Variants in GPNMB observed in about 807,000 individuals in gnomAD.
GPNMB encodes the protein glycoprotein nmb.
In GPNMB, 71 loss-of-function variants were observed where a neutral mutation model predicts 57.3. That is an observed-to-expected ratio of 1.24 (90% CI 1.02 to 1.51). GPNMB has a LOEUF of 1.51. GPNMB is among the 40% of genes most tolerant of loss of function. GPNMB has a pLI of 0.00. For synonymous variants in GPNMB, 253 were observed against 263.2 expected (o/e 0.96, Z 0.38); for missense variants, 677 against 691.9 (o/e 0.98, Z 0.24).
intron 4 of GPNMB, among the ~76,000 whole-genome samples, chr7:23,258,944 G>T (rs1782845814): frequency 6.6e-6 from 1 of 152,354 alleles, no homozygotes; most frequent in African/African-American, 2.4e-5. Context: ...TCTAAACCAG[G>T]CCCCCTGGCA....
rs188437037 is a variant in GPNMB at position 23,263,527 on chromosome 7, G to A, written c.1018+2754G>A. Among the ~76,000 whole-genome samples the A allele has an allele frequency of 5.6e-3, 839 of 150,926 alleles. 2 individuals carry two copies. The highest frequency in any genetic ancestry group is 0.02 in the African/African-American group (803 of 40,992). On this transcript the variant is annotated intron_variant, in intron 6 of 10. Transcript: ENST00000258733. Reference sequence around the variant, plus strand: ...CTTGGGAGGCTGAGGCAGAAGAATCGCTTGAACCTGGGAGGTGGAGGTTGC... The same window carrying A: ...CTTGGGAGGCTGAGGCAGAAGAATCACTTGAACCTGGGAGGTGGAGGTTGC...
chr7:23,251,566 A>G (rs989163743), intron 1 of GPNMB, among the ~76,000 whole-genome samples: 2 of 152,220 alleles, frequency 1.3e-5, no homozygotes, highest in African/African-American at 4.8e-5. Flanking sequence ...ATTTCTTTTC[A>G]TCTTTCCACT....
Position 23,259,927 on chromosome 7 carries a change from C to T in GPNMB, c.542-53C>T, listed in dbSNP as rs1282598376. On this transcript the variant is annotated intron_variant, in intron 4 of 10. Coordinates refer to ENST00000258733, the MANE Select transcript of GPNMB (RefSeq NM_002510.3). ...TAGCTAGTCTTTAAGGAACAGCTTC[C>T]TATAATGATGATATAATGCAGCCAA... 6 of 1,557,388 alleles carry T rather than the reference C, an allele frequency of 3.9e-6. No homozygotes were observed. The Admixed American group carries it at 1.0e-4, about 26-fold the overall frequency.
chr7:23,274,471 T>C lies in GPNMB; in HGVS notation c.*247T>C. ...GGCTTCTTTTCATTATTTTTTATGTTTCACTTATAAAGTCTTAGGTAACTA... is the reference window on the plus strand; with the variant it reads ...GGCTTCTTTTCATTATTTTTTATGTCTCACTTATAAAGTCTTAGGTAACTA... On this transcript the variant is annotated 3_prime_UTR_variant, in exon 11 of 11. Coordinates refer to ENST00000258733, the MANE Select transcript of GPNMB (RefSeq NM_002510.3). 5.4e-6 allele frequency: 2 copies of C among 367,900 alleles called. No homozygotes were observed. Among genetic ancestry groups the C allele is most frequent in the South Asian group, 8.0e-5 (2 of 25,104 alleles). The allele number at this position is 367,900 out of a possible 1,614,324, so 22.8% of individuals were successfully genotyped here.
At chr7:23,266,461 T>G (rs1443668677) in intron 6 of GPNMB, 56 bp from the exon 7 acceptor site, 9 of 1,578,064 alleles carry the variant, frequency 5.7e-6, no homozygotes, top group African/African-American at 1.4e-5. Flanking sequence ...TTATATCACA[T>G]GTATCTTTTA....
chr7:23,247,720 G>T (rs537289971), intron 1 of GPNMB: 1 of 152,254 alleles, frequency 6.6e-6, no homozygotes, highest in Admixed American at 6.5e-5. Flanking sequence ...GGCCTGAGAC[G>T]TGGGCCGCGC....
intron 8 of GPNMB, among the ~76,000 whole-genome samples, chr7:23,269,431 G>A (rs1248949056): frequency 1.3e-5 from 2 of 152,084 alleles, no homozygotes; most frequent in East Asian, 1.9e-4. Flanking sequence ...GAATAAGCAA[G>A]ATCATGTCAT....
chr7:23,258,099 A>G (rs1782825442), intron 4 of GPNMB: 1 of 152,104 alleles, frequency 6.6e-6, no homozygotes, highest in Non-Finnish European at 1.5e-5. Flanking sequence ...TTGTTGTATT[A>G]TTGGGGAAAT....
At chr7:23,269,403 C>A (rs998026305) in intron 8 of GPNMB, among the ~76,000 whole-genome samples, 2 of 151,840 alleles carry the variant, frequency 1.3e-5, no homozygotes, top group African/African-American at 4.8e-5. Context: ...AACAAACAAA[C>A]AAAAAAACTA....
rs563808672 is a variant in GPNMB, at chr7:23,269,973, C to T, written c.1227C>T (p.Pro409=). 2.5e-6 allele frequency: 4 copies of T among 1,613,650 alleles called. No individual in the cohort carries two copies. The highest frequency in any genetic ancestry group is 4.5e-5 in the East Asian group (2 of 44,876). The change falls in exon 9 of 11, where the codon CCC becomes CCT. Residue 409 remains proline (P), a synonymous_variant. Transcript: ENST00000258733. ...CCCACCTCCCCTGTCGCAGCATTCC[C>T]ACGGAGGTCTGTACCATCATTTCTG... The part of the protein sequence containing the change: ...DFVVTCQGSI[P]TEVCTIISDP...
At chr7:23,247,069 A>C (rs557035236) in intron 1 of GPNMB, 142 bp downstream of exon 1, 1 of 698,188 alleles carries the variant, frequency 1.4e-6, no homozygotes, top group Non-Finnish European at 2.6e-6. Flanking sequence ...CTTCTTCTGC[A>C]AACTGTTGGG....
chr7:23,262,660 C>G (rs1782955578), intron 6 of GPNMB, among the ~76,000 whole-genome samples: 1 of 133,524 alleles, frequency 7.5e-6, no homozygotes, highest in African/African-American at 2.9e-5. Flanking sequence ...GCTCTAACAC[C>G]CAGGCTGGAG....
rs201324416 is a variant in GPNMB, at chr7:23,270,036, C to T, written c.1290C>T (p.Ser430=). ...TCEITQNTVC[S]PVDVDEMCLL... ...AGATCACCCAGAACACAGTCTGCAG[C>T]CCTGTGGATGTGGATGAGATGTGTC... The change falls in exon 9 of 11, where the codon AGC becomes AGT. Residue 430 remains serine (S), a synonymous_variant. Coordinates refer to ENST00000258733, the MANE Select transcript of GPNMB (RefSeq NM_002510.3). 1.9e-6 allele frequency: 3 copies of T among 1,613,818 alleles called. No homozygotes were observed. The East Asian group carries it at 6.7e-5, about 36-fold the overall frequency.
At chr7:23,259,875 C>T (rs903289567) in intron 4 of GPNMB, 105 bp from the exon 5 acceptor site, 6 of 1,024,818 alleles carry the variant, frequency 5.9e-6, no homozygotes, top group African/African-American at 4.8e-5. Context: ...CCTATTTTCC[C>T]TCCTCAGAGC....
rs1213005937 is a variant in GPNMB, at chr7:23,274,567, A to AGCCTAACCCGC, written c.*343_*344insGCCTAACCCGC. 5.7e-6 allele frequency: 1 copy of AGCCTAACCCGC among 174,364 alleles called. No individual in the cohort carries two copies. Among genetic ancestry groups the AGCCTAACCCGC allele is most frequent in the African/African-American group, 2.4e-5 (1 of 41,880 alleles). 10.8% of individuals were successfully genotyped at this position (174,364 alleles called of 1,614,324 possible). A position where few individuals can be genotyped will look rare whatever the true frequency, so the allele number is the denominator to read the frequency against. ...ATTGATTAGAGCCTAACCCAGGTTAACTGCAAGAAGAGGCGGGATACTTTC... is the reference window on the plus strand; with the variant it reads ...ATTGATTAGAGCCTAACCCAGGTTAAGCCTAACCCGCCTGCAAGAAGAGGCGGGATACTTTC... On this transcript the variant is annotated 3_prime_UTR_variant, in exon 11 of 11. Transcript: ENST00000258733.
chr7:23,272,376 T>C (rs988834308), intron 9 of GPNMB, among the ~76,000 whole-genome samples: 16 of 151,976 alleles, frequency 1.1e-4, no homozygotes, highest in African/African-American at 3.4e-4. Context: ...ATACCTGTAG[T>C]CCCAGCTACT....
chr7:23,259,808 A>G (rs1167429320), intron 4 of GPNMB, among the ~76,000 whole-genome samples, 172 bp from the exon 5 acceptor site: 2 of 152,210 alleles, frequency 1.3e-5, no homozygotes, highest in African/African-American at 4.8e-5. Context: ...TTGTTTTATA[A>G]GATTTTACAT....
At chr7:23,266,107 C>A (rs913188804) in intron 6 of GPNMB, 1 of 162,198 alleles carries the variant, frequency 6.2e-6, no homozygotes, top group East Asian at 1.8e-4. Context: ...CACCACCACA[C>A]CTGGCTAATT....
intron 4 of GPNMB, 129 bp from the exon 5 acceptor site, chr7:23,259,851 C>T: frequency 1.4e-6 from 1 of 728,604 alleles, no homozygotes; most frequent in Non-Finnish European, 2.3e-6. Context: ...TCTGAAGCAG[C>T]ACCACAGGCC....
Sources: allele counts gnomAD v4.1 joint callset (sites outside exome capture counted in the v4.1 genomes callset), GRCh38; gene constraint gnomAD v4.1.1; transcripts MANE v1.5; gene names NCBI Gene and HGNC (gene_info 2026-07-23, HGNC 2026-07-21).